UGT1A9: variants seen among roughly 807,000 people sequenced by gnomAD.
UGT1A9 encodes the protein UDP-glucuronosyltransferase 1A9.
Under a neutral mutation model 45.0 loss-of-function variants are expected in UGT1A9, and 35 were observed. The ratio of observed to expected loss-of-function variants is 0.78; its 90% CI spans 0.59 to 1.03. The LOEUF is 1.03. UGT1A9 is among the 50% of genes least tolerant of loss of function. The pLI, the probability that UGT1A9 is intolerant of heterozygous loss-of-function variation, is 0.00. For missense variants in UGT1A9, 687 were observed against 666.6 expected (o/e 1.03, Z -0.34); for synonymous variants, 278 against 250.6 (o/e 1.11, Z -1.03).
At position 233,742,119 on chromosome 2, in the gene UGT1A9, C is replaced by T. The variant is rs142315410; in HGVS notation, c.856-24915C>T. Among the ~76,000 whole-genome samples, 140 of 151,952 alleles carry T rather than the reference C, an allele frequency of 9.2e-4. 4 individuals carry two copies. The highest frequency in any genetic ancestry group is 3.3e-3 in the African/African-American group (138 of 41,214). The stretch of plus-strand genomic sequence containing the variant: ...GACCCACTGCCAAGACCAGCTTGGT[C>T]GTGGAGACCCTAACCCAGCAGCGCT... On this transcript the variant is annotated intron_variant, in intron 1 of 4. Coordinates refer to ENST00000354728, the MANE Select transcript of UGT1A9 (RefSeq NM_021027.3).
chr2:233,699,298 T>C (rs2075497372), intron 1 of UGT1A9, among the ~76,000 whole-genome samples: 1 of 152,206 alleles, frequency 6.6e-6, no homozygotes, highest in Admixed American at 6.5e-5. Flanking sequence ...GGGACACTCT[T>C]ATGCTGTCCT....
intron 1 of UGT1A9, chr2:233,682,006 C>A: frequency 6.2e-7 from 1 of 1,614,136 alleles, no homozygotes; most frequent in East Asian, 2.2e-5. Flanking sequence ...GTGGCTTTGC[C>A]AAGGCAGGGA....
chr2:233,713,306 T>A, intron 1 of UGT1A9: 1 of 1,614,234 alleles, frequency 6.2e-7, no homozygotes, highest in Non-Finnish European at 8.5e-7. Flanking sequence ...AAACAGAACA[T>A]CTTCTGATGA....
At chr2:233,689,119 C>G (rs1178609064) in intron 1 of UGT1A9, among the ~76,000 whole-genome samples, 1 of 152,204 alleles carries the variant, frequency 6.6e-6, no homozygotes, top group Admixed American at 6.5e-5. Flanking sequence ...GGAACCACAA[C>G]CCACATTGTT....
At chr2:233,746,994 G>C (rs922899059) in intron 1 of UGT1A9, among the ~76,000 whole-genome samples, 7 of 151,864 alleles carry the variant, frequency 4.6e-5, no homozygotes, top group African/African-American at 1.7e-4. Context: ...GGTCAGATGA[G>C]TTTTTCAAGT....
At chr2:233,771,134 C>T (rs1700244933) in intron 4 of UGT1A9, 1 of 152,302 alleles carries the variant, frequency 6.6e-6, no homozygotes, top group Admixed American at 6.5e-5. Flanking sequence ...CCCCATGATC[C>T]AAACACCTCC....
chr2:233,710,344 G>A (rs1349376826), intron 1 of UGT1A9, among the ~76,000 whole-genome samples: 2 of 152,226 alleles, frequency 1.3e-5, no homozygotes, highest in African/African-American at 2.4e-5. Context: ...CAGTCGAACT[G>A]TTTCCAAAGC....
At chr2:233,712,212 A>T (rs1393545804) in intron 1 of UGT1A9, among the ~76,000 whole-genome samples, 1 of 152,178 alleles carries the variant, frequency 6.6e-6, no homozygotes, top group Non-Finnish European at 1.5e-5. Context: ...GGTGAGCAGG[A>T]GCTCCCTGAA....
chr2:233,760,326 G>T, intron 1 of UGT1A9: 1 of 1,614,028 alleles, frequency 6.2e-7, no homozygotes, highest in Non-Finnish European at 8.5e-7. Flanking sequence ...CACTTGTCCT[G>T]GGCCTGCTGC....
chr2:233,678,713 ATCT>A (rs2074425909), intron 1 of UGT1A9, among the ~76,000 whole-genome samples: 1 of 152,060 alleles, frequency 6.6e-6, no homozygotes, highest in Non-Finnish European at 1.5e-5. Context: ...CTTCTTCTAC[ATCT>A]TCTTTCTCAT....
intron 1 of UGT1A9, chr2:233,682,378 C>T (rs763404567): frequency 7.4e-6 from 12 of 1,613,940 alleles, no homozygotes; most frequent in South Asian, 1.1e-5. Flanking sequence ...CAGTGTTTCT[C>T]GATCCTTTTG....
chr2:233,718,073 G>C, intron 1 of UGT1A9: 1 of 345,132 alleles, frequency 2.9e-6, no homozygotes, highest in South Asian at 2.3e-5. Flanking sequence ...GTCCTTGCTA[G>C]GGTTGTCTTG....
chr2:233,733,404 C>T (rs2078393693), intron 1 of UGT1A9, among the ~76,000 whole-genome samples: 1 of 152,148 alleles, frequency 6.6e-6, no homozygotes, highest in African/African-American at 2.4e-5. Flanking sequence ...AAAGGGAATG[C>T]TTCCAGTTTT....
At chr2:233,757,535 A>AATATATATACATATACATACATAT (rs376887521) in intron 1 of UGT1A9, among the ~76,000 whole-genome samples, 1 of 88,310 alleles carries the variant, frequency 1.1e-5, no homozygotes, top group South Asian at 5.2e-4. Flanking sequence ...GCCTGTAAGG[A>AATATATATACATATACATACATAT]ATATATATAT....
In UGT1A9 at chr2:233,710,482, T is replaced by C. The variant is rs369445777; in HGVS notation, c.855+37693T>C. ...CTAATGGGTGTGTAGTAGAATTTCA[T>C]TGGGTTTGAATTTGCATTCCTCTTA... On this transcript the variant is annotated intron_variant, in intron 1 of 4. Coordinates refer to ENST00000354728, the MANE Select transcript of UGT1A9 (RefSeq NM_021027.3). 7.9e-5 allele frequency among the ~76,000 whole-genome samples: 12 copies of C among 152,376 alleles called. No homozygotes were observed. In the South Asian group the frequency reaches 2.5e-3, roughly 32 times the overall value.
chr2:233,671,965 C>A lies in UGT1A9; in HGVS notation c.31C>A (p.Pro11Thr). ...TTGCACAGGGTGGACCAGCCCCCTT[C>A]CTCTATGTGTGTGTCTGCTGCTGAC... MACTGWTSPL[P>T]LCVCLLLTCG... The change falls in exon 1 of 5, where the codon CCT becomes ACT. Residue 11 changes from proline (P) to threonine (T), a missense_variant. Physicochemically the swap from Pro to Thr is conservative, Grantham distance 38 (BLOSUM62 -1). Coordinates refer to ENST00000354728, the MANE Select transcript of UGT1A9 (RefSeq NM_021027.3). 1 of 1,613,726 alleles carries A rather than the reference C, an allele frequency of 6.2e-7. No homozygotes were observed. The highest frequency in any genetic ancestry group is 2.2e-5 in the East Asian group (1 of 44,878).
intron 1 of UGT1A9, among the ~76,000 whole-genome samples, chr2:233,677,802 T>C (rs1224508611): frequency 6.6e-6 from 1 of 152,050 alleles, no homozygotes; most frequent in East Asian, 1.9e-4. Context: ...AGAACTGTCA[T>C]TCGACCCAGC....
chr2:233,748,025 C>T, intron 1 of UGT1A9: 1 of 1,613,520 alleles, frequency 6.2e-7, no homozygotes, highest in Non-Finnish European at 8.5e-7. Flanking sequence ...CGATCATGCC[C>T]AACATGGTCT....
chr2:233,708,284 A>C (rs1440900276), intron 1 of UGT1A9, among the ~76,000 whole-genome samples: 1 of 152,172 alleles, frequency 6.6e-6, no homozygotes, highest in Non-Finnish European at 1.5e-5. Flanking sequence ...ATTATCATCA[A>C]ATGCTTTCAG....
Sources: gnomAD v4.1 joint callset for allele counts (sites outside exome capture counted in the v4.1 genomes callset) on GRCh38, gnomAD v4.1.1 for gene constraint, MANE v1.5 for transcripts, NCBI Gene and HGNC (gene_info 2026-07-23, HGNC 2026-07-21) for gene names.